IL1RAPL1: variants seen among roughly 807,000 people sequenced by gnomAD.
The protein encoded by IL1RAPL1 is interleukin 1 receptor accessory protein like 1.
Under a neutral mutation model 48.4 loss-of-function variants are expected in IL1RAPL1, and 3 were observed. The observed-to-expected ratio is 0.06, with a 90% CI of 0.03 to 0.16. IL1RAPL1 has a LOEUF of 0.16. IL1RAPL1 is among the 10% of genes least tolerant of loss of function. IL1RAPL1 has a pLI of 1.00. For synonymous variants in IL1RAPL1, 185 were observed against 187.7 expected (o/e 0.99, Z 0.12); for missense variants, 349 against 530.6 (o/e 0.66, Z 3.36).
intron 2 of IL1RAPL1, among the ~76,000 whole-genome samples, chrX:28,897,342 G>A (rs1367974891): frequency 2.7e-5 from 3 of 111,884 alleles, no homozygotes; most frequent in South Asian, 7.4e-4. Context: ...GCGTCCCTGC[G>A]TGATTAAACA....
chrX:29,334,459 C>T (rs1397120405), intron 3 of IL1RAPL1, among the ~76,000 whole-genome samples: 1 of 111,402 alleles, frequency 9.0e-6, no homozygotes, highest in African/African-American at 3.3e-5. Context: ...GGGGCTGACC[C>T]CCCCCACCTC....
chrX:29,012,417 A>T (rs1926145169), intron 2 of IL1RAPL1, among the ~76,000 whole-genome samples: 1 of 111,204 alleles, frequency 9.0e-6, no homozygotes. Context: ...GGTGGCGGCC[A>T]TCTGTAATCC....
intron 1 of IL1RAPL1, among the ~76,000 whole-genome samples, chrX:28,607,868 G>A (rs761569620): frequency 7.9e-4 from 88 of 110,789 alleles, no homozygotes; most frequent in African/African-American, 2.7e-3. Flanking sequence ...TGTTCACCAC[G>A]CACATAGCAG....
chrX:29,416,532 G>A (rs1348254013), intron 5 of IL1RAPL1, among the ~76,000 whole-genome samples: 2 of 110,765 alleles, frequency 1.8e-5, no homozygotes, highest in African/African-American at 3.3e-5. Context: ...GTTAGACTCC[G>A]TCTCAAAACA....
intron 6 of IL1RAPL1, among the ~76,000 whole-genome samples, chrX:29,747,246 T>A (rs1010724587): frequency 8.9e-6 from 1 of 112,316 alleles, no homozygotes; most frequent in African/African-American, 3.2e-5. Context: ...TGCTCTTTGC[T>A]CTTACTCCAT....
intron 3 of IL1RAPL1, among the ~76,000 whole-genome samples, chrX:29,345,141 A>G (rs1428519715): frequency 8.9e-6 from 1 of 112,564 alleles, no homozygotes; most frequent in Admixed American, 9.4e-5. Flanking sequence ...ATAATCCATG[A>G]ATATGCCTCA....
At chrX:29,756,023 G>T (rs1213767732) in intron 6 of IL1RAPL1, among the ~76,000 whole-genome samples, 1 of 111,719 alleles carries the variant, frequency 9.0e-6, no homozygotes, top group Non-Finnish European at 1.9e-5. Flanking sequence ...TTACTGGTCT[G>T]TGAAATGGGG....
chrX:29,048,187 A>T (rs771656721), intron 2 of IL1RAPL1, among the ~76,000 whole-genome samples: 1 of 112,285 alleles, frequency 8.9e-6, no homozygotes, highest in Non-Finnish European at 1.9e-5. Context: ...TGAAGAATGA[A>T]TTATGTATGT....
At chrX:29,223,779 AT>A (rs775980068) in intron 2 of IL1RAPL1, among the ~76,000 whole-genome samples, 113 of 110,267 alleles carry the variant, frequency 1.0e-3, no homozygotes, top group Non-Finnish European at 1.9e-3. Context: ...TCCTGACCTC[AT>A]GATCCACCCG....
chrX:29,205,804 G>A (rs1048036911), intron 2 of IL1RAPL1, among the ~76,000 whole-genome samples: 6 of 109,179 alleles, frequency 5.5e-5, no homozygotes, highest in Admixed American at 9.9e-5. Flanking sequence ...GTGTGACGTC[G>A]GCTCACTGCA....
chrX:28,910,268 C>T (rs1472655823), intron 2 of IL1RAPL1, among the ~76,000 whole-genome samples: 1 of 111,242 alleles, frequency 9.0e-6, no homozygotes, highest in African/African-American at 3.3e-5. Context: ...ATAACTTTTG[C>T]CATTCTCAAC....
At chrX:29,515,820 G>A (rs1331813331) in intron 5 of IL1RAPL1, among the ~76,000 whole-genome samples, 1 of 111,063 alleles carries the variant, frequency 9.0e-6, no homozygotes, top group Non-Finnish European at 1.9e-5. Context: ...CCATGAAGCT[G>A]GGACTACAGG....
chrX:29,368,179 G>A (rs1933492572), intron 3 of IL1RAPL1, among the ~76,000 whole-genome samples: 1 of 111,621 alleles, frequency 9.0e-6, no homozygotes, highest in Non-Finnish European at 1.9e-5. Flanking sequence ...GATTTATATT[G>A]TGTTAGGTAT....
intron 5 of IL1RAPL1, among the ~76,000 whole-genome samples, chrX:29,597,335 T>G (rs1262285010): frequency 5.5e-5 from 6 of 109,820 alleles, no homozygotes; most frequent in African/African-American, 2.0e-4. Flanking sequence ...GTATTTTTAG[T>G]AGAGACGGGG....
At chrX:29,134,242 G>A (rs1569243622) in intron 2 of IL1RAPL1, among the ~76,000 whole-genome samples, 1 of 111,029 alleles carries the variant, frequency 9.0e-6, no homozygotes, top group Non-Finnish European at 1.9e-5. Flanking sequence ...CTTATGGGAA[G>A]AATATATTTA....
At chrX:29,762,207 G>A (rs1451022017) in intron 6 of IL1RAPL1, among the ~76,000 whole-genome samples, 2 of 111,747 alleles carry the variant, frequency 1.8e-5, no homozygotes, top group East Asian at 2.8e-4. Context: ...GACAGTGTGC[G>A]GTAGAGATAC....
Position 29,432,524 on chromosome X carries a change from A to T in IL1RAPL1, c.703+33216A>T, listed in dbSNP as rs562408135. The stretch of plus-strand genomic sequence containing the variant: ...CACTAGCTCACCCCAATACTTAAAA[A>T]TTATCCCACCTTTTGTACTAGTGGA... On this transcript the variant is annotated intron_variant, in intron 5 of 10. Coordinates refer to ENST00000378993, the MANE Select transcript of IL1RAPL1 (RefSeq NM_014271.4). Among the ~76,000 whole-genome samples, 13 of 111,476 alleles carry T rather than the reference A, an allele frequency of 1.2e-4. No individual in the cohort carries two copies. The South Asian group carries it at 4.1e-3, about 35-fold the overall frequency.
chrX:28,629,409 A>C (rs1195769841), intron 1 of IL1RAPL1, among the ~76,000 whole-genome samples: 1 of 111,971 alleles, frequency 8.9e-6, no homozygotes, highest in Non-Finnish European at 1.9e-5. Flanking sequence ...TTGGGTGGTC[A>C]TCACTGGGGG....
At chrX:28,751,217 A>G (rs968020273) in intron 1 of IL1RAPL1, among the ~76,000 whole-genome samples, 24 of 111,891 alleles carry the variant, frequency 2.1e-4, no homozygotes, top group African/African-American at 7.5e-4. Flanking sequence ...TCAGAATATC[A>G]TTAGCAATAT....
Sources: allele counts gnomAD v4.1 joint callset (sites outside exome capture counted in the v4.1 genomes callset), GRCh38; gene constraint gnomAD v4.1.1; transcripts MANE v1.5; gene names NCBI Gene and HGNC (gene_info 2026-07-23, HGNC 2026-07-21).